ARMC8: variants seen among roughly 807,000 people sequenced by gnomAD.
ARMC8 encodes armadillo repeat-containing protein 8.
In ARMC8, 20 loss-of-function variants were observed where a neutral mutation model predicts 99.3. The observed-to-expected ratio is 0.20, with a 90% confidence interval of 0.14 to 0.29. The LOEUF is 0.29. ARMC8 is among the 10% of genes least tolerant of loss of function. The pLI, the probability that ARMC8 is intolerant of heterozygous loss-of-function variation, is 1.00. For synonymous variants in ARMC8, 263 were observed against 278.3 expected (o/e 0.95, Z 0.55); for missense variants, 569 against 809.5 (o/e 0.70, Z 3.60).
chr3:138,216,265 C>A (rs772580903), intron 2 of ARMC8, among the ~76,000 whole-genome samples: 1 of 152,050 alleles, frequency 6.6e-6, no homozygotes, highest in South Asian at 2.1e-4. Flanking sequence ...AAAGTCAATT[C>A]TGTTTTTTCA....
intron 12 of ARMC8, among the ~76,000 whole-genome samples, chr3:138,250,202 A>T (rs938148851): frequency 6.6e-6 from 1 of 152,210 alleles, no homozygotes; most frequent in African/African-American, 2.4e-5. Context: ...AGGAAGTTAC[A>T]ACTGCAGATC....
rs765855548 is a variant in ARMC8 at position 138,241,896 on chromosome 3, C to T, written c.951C>T (p.Ile317=). ...LIEPDVELQR[I]ASITDHLIAM... is the part of the protein sequence containing the mutation. ...AACCAGATGTTGAGCTACAGAGAAT[C>T]GCTAGCATAACTGATCACCTCATTG... The change falls in exon 11 of 22, where the codon ATC becomes ATT. Residue 317 remains isoleucine (I), a synonymous_variant. Coordinates refer to ENST00000469044, the MANE Select transcript of ARMC8 (RefSeq NM_001363941.2). 5.6e-6 allele frequency: 9 copies of T among 1,614,044 alleles called. No individual in the cohort carries two copies. Among genetic ancestry groups the T allele is most frequent in the East Asian group, 4.5e-5 (2 of 44,848 alleles).
chr3:138,201,697 T>C (rs1182282133), intron 1 of ARMC8, among the ~76,000 whole-genome samples: 2 of 151,762 alleles, frequency 1.3e-5, no homozygotes, highest in African/African-American at 2.4e-5. Context: ...CTGACCTCAC[T>C]CTCTGCCCGC....
intron 2 of ARMC8, among the ~76,000 whole-genome samples, chr3:138,216,620 A>C (rs1350209390): frequency 1.3e-5 from 2 of 152,232 alleles, no homozygotes; most frequent in East Asian, 3.8e-4. Flanking sequence ...TCACAGTCCA[A>C]ATAATGTAAG....
intron 12 of ARMC8, among the ~76,000 whole-genome samples, chr3:138,254,788 A>T (rs1000545928): frequency 6.6e-6 from 1 of 152,212 alleles, no homozygotes; most frequent in Non-Finnish European, 1.5e-5. Flanking sequence ...AGTGTAGAGA[A>T]GTTTAGAACT....
chr3:138,212,782 A>G (rs113264661), intron 2 of ARMC8, among the ~76,000 whole-genome samples: 4 of 152,366 alleles, frequency 2.6e-5, no homozygotes, highest in African/African-American at 9.6e-5. Flanking sequence ...AAAGATGGCC[A>G]CAGAGTATAA....
intron 1 of ARMC8, among the ~76,000 whole-genome samples, chr3:138,198,235 C>T (rs1218578029): frequency 6.6e-6 from 1 of 152,018 alleles, no homozygotes; most frequent in Non-Finnish European, 1.5e-5. Flanking sequence ...CTCTTCATAT[C>T]CCTTTTAATC....
Position 138,208,238 on chromosome 3 carries a change from C to G in ARMC8, c.46-1579C>G, listed in dbSNP as rs932263375. ...ATCCCAGCACTTTGGGAGGCCAAGGCGGGCGGATCACGAGGTCAGGGGTTC... is the reference window on the plus strand; with the variant it reads ...ATCCCAGCACTTTGGGAGGCCAAGGGGGGCGGATCACGAGGTCAGGGGTTC... On this transcript the variant is annotated intron_variant, in intron 1 of 21. Transcript: ENST00000469044. Among the ~76,000 whole-genome samples the G allele has an allele frequency of 1.2e-4, 18 of 152,186 alleles. No homozygotes were observed. In the East Asian group the frequency reaches 3.5e-3, roughly 30 times the overall value.
At chr3:138,246,189 A>C (rs1406579598) in intron 12 of ARMC8, 9 of 985,710 alleles carry the variant, frequency 9.1e-6, no homozygotes, top group Non-Finnish European at 1.1e-5. Context: ...AAGAAACTGA[A>C]GTAATAGCAA....
chr3:138,197,589 C>T (rs1288624660), intron 1 of ARMC8, among the ~76,000 whole-genome samples: 1 of 152,190 alleles, frequency 6.6e-6, no homozygotes, highest in Admixed American at 6.5e-5. Flanking sequence ...CTTGGGTCAT[C>T]TTATCACCTT....
At chr3:138,238,543 C>G (rs949113829) in intron 9 of ARMC8, 30 of 152,142 alleles carry the variant, frequency 2.0e-4, no homozygotes, top group African/African-American at 7.0e-4. Flanking sequence ...CAATGAATTA[C>G]TCATGTATCG....
chr3:138,266,499 T>G (rs555941316), intron 14 of ARMC8, among the ~76,000 whole-genome samples: 1 of 152,210 alleles, frequency 6.6e-6, no homozygotes, highest in Admixed American at 6.5e-5. Context: ...AGTAGTCTTA[T>G]GTTTTTCATT....
intron 1 of ARMC8, among the ~76,000 whole-genome samples, chr3:138,190,598 T>G (rs1349888626): frequency 6.6e-6 from 1 of 152,198 alleles, no homozygotes; most frequent in Non-Finnish European, 1.5e-5. Context: ...CGAGATTCTT[T>G]ATCTTCTACA....
At chr3:138,266,113 G>A (rs2048263005) in intron 14 of ARMC8, among the ~76,000 whole-genome samples, 1 of 152,196 alleles carries the variant, frequency 6.6e-6, no homozygotes, top group Non-Finnish European at 1.5e-5. Context: ...TAAGCAGTAT[G>A]TAACATTGAA....
In ARMC8 at chr3:138,223,693, T is replaced by C. The variant is rs1357762909; in HGVS notation, c.395T>C (p.Ile132Thr). 1.8e-5 allele frequency: 29 copies of C among 1,614,100 alleles called. No homozygotes were observed. Among genetic ancestry groups the C allele is most frequent in the Non-Finnish European group, 2.4e-5 (28 of 1,180,044 alleles). ...IEACLRCLRT[I>T]FTSPVTPEEL... ...GCTTGCCTCCGATGCCTGCGTACCA[T>C]CTTCACCAGTCCTGTCACTCCAGAG... The change falls in exon 5 of 22, where the codon ATC (isoleucine) becomes ACC (threonine). Residue 132 changes from isoleucine to threonine, a missense_variant. Ile to Thr is a moderately conservative substitution (Grantham distance 89). Around this residue, in one of 2 missense-constraint regions of ARMC8, gnomAD observed 342 missense variants for 391.6 expected, o/e 0.87. Coordinates refer to ENST00000469044, the MANE Select transcript of ARMC8 (RefSeq NM_001363941.2).
intron 17 of ARMC8, 82 bp downstream of exon 17, chr3:138,273,198 T>A: frequency 7.3e-7 from 1 of 1,370,076 alleles, no homozygotes; most frequent in Non-Finnish European, 1.0e-6. Context: ...GTGCTCTCAT[T>A]AACATCTGCC....
chr3:138,251,451 A>G (rs895175211), intron 12 of ARMC8, among the ~76,000 whole-genome samples: 3 of 152,226 alleles, frequency 2.0e-5, no homozygotes, highest in Non-Finnish European at 4.4e-5. Context: ...CCACAGAAGT[A>G]GCACCCTTCA....
intron 5 of ARMC8, among the ~76,000 whole-genome samples, chr3:138,225,398 A>G (rs1007479633): frequency 2.6e-5 from 4 of 152,178 alleles, no homozygotes; most frequent in Non-Finnish European, 2.9e-5. Context: ...CGTGTGAGCC[A>G]CTGCGCCCGG....
intron 18 of ARMC8, among the ~76,000 whole-genome samples, chr3:138,281,738 A>T (rs1273115774): frequency 6.6e-6 from 1 of 152,068 alleles, no homozygotes; most frequent in African/African-American, 2.4e-5. Flanking sequence ...CAAAAAGGGG[A>T]ATTACTCACC....
Sources: gnomAD v4.1 joint callset for allele counts (sites outside exome capture counted in the v4.1 genomes callset) on GRCh38, gnomAD v4.1.1 for gene constraint, gnomAD v4.1.1 regional missense constraint, MANE v1.5 for transcripts, NCBI Gene and HGNC (gene_info 2026-07-23, HGNC 2026-07-21) for gene names.